The following C3orf70 variants were observed in gnomAD, a reference collection of about 807,000 sequenced individuals.
C3orf70 encodes chromosome 3 open reading frame 70, also known as UPF0524 protein C3orf70.
Under a neutral mutation model 20.7 loss-of-function variants are expected in C3orf70, and 15 were observed. The observed-to-expected ratio is 0.72, with a 90% CI of 0.48 to 1.11. The LOEUF (loss-of-function observed/expected upper bound fraction) is 1.11, where lower values mean the gene tolerates loss of function less well. C3orf70 is among the 50% of genes most tolerant of loss of function. The pLI is 0.00. For missense variants in C3orf70, 332 were observed against 317.6 expected (o/e 1.05, Z -0.34); for synonymous variants, 161 against 125.7 (o/e 1.28, Z -1.88).
chr3:185,099,943 C>T (rs185359956), intron 1 of C3orf70, among the ~76,000 whole-genome samples: 4 of 152,268 alleles, frequency 2.6e-5, no homozygotes, highest in Admixed American at 2.0e-4. Context: ...TTTCAACCAA[C>T]ACAGATTTTT....
chr3:185,106,561 T>G (rs539232395), intron 1 of C3orf70, among the ~76,000 whole-genome samples: 1,559 of 151,246 alleles, frequency 0.01, no homozygotes, highest in African/African-American at 0.035. Flanking sequence ...TCAGTGTCAC[T>G]CTAAGTTTGA....
intron 1 of C3orf70, among the ~76,000 whole-genome samples, chr3:185,150,533 CAT>C (rs928902396): frequency 3.9e-5 from 6 of 152,052 alleles, no homozygotes; most frequent in African/African-American, 7.2e-5. Context: ...TGGCTTGTCA[CAT>C]ATGTTAAAAA....
chr3:185,095,879 G>A (rs1359408563), intron 1 of C3orf70, among the ~76,000 whole-genome samples: 1 of 151,828 alleles, frequency 6.6e-6, no homozygotes, highest in Admixed American at 6.6e-5. Context: ...TGCGACTATA[G>A]GTGCGTGCCA....
At chr3:185,092,188 T>C (rs1269716151) in intron 1 of C3orf70, among the ~76,000 whole-genome samples, 1 of 151,918 alleles carries the variant, frequency 6.6e-6, no homozygotes, top group African/African-American at 2.4e-5. Context: ...GGTGGTTGAA[T>C]GGTTAAACAT....
intron 1 of C3orf70, among the ~76,000 whole-genome samples, chr3:185,138,689 CTT>C (rs1247855997): frequency 6.6e-6 from 1 of 152,132 alleles, no homozygotes; most frequent in African/African-American, 2.4e-5. Context: ...TCTGACAAAA[CTT>C]AATACCCATT....
intron 1 of C3orf70, among the ~76,000 whole-genome samples, chr3:185,119,674 T>C (rs1170331678): frequency 1.3e-5 from 2 of 152,150 alleles, no homozygotes; most frequent in Admixed American, 1.3e-4. Context: ...CTAATCTATT[T>C]TCAGTTTAAT....
intron 1 of C3orf70, among the ~76,000 whole-genome samples, chr3:185,117,454 A>AGAGAG (rs1716203945): frequency 7.7e-5 from 11 of 142,020 alleles, no homozygotes; most frequent in Admixed American, 5.5e-4. Context: ...CACACACAGA[A>AGAGAG]AGAGAGAGAG....
In C3orf70 at chr3:185,098,586, G is replaced by C. The variant is rs145280912; in HGVS notation, c.197-15023C>G. 3.3e-3 allele frequency among the ~76,000 whole-genome samples: 498 copies of C among 152,226 alleles called. 4 individuals carry two copies. Among genetic ancestry groups the C allele is most frequent in the Non-Finnish European group, 4.5e-3 (304 of 68,010 alleles). Reference sequence around the variant, plus strand: ...TTACAAAATGTGATGAAGGCAGAAAGCATCTCCCTTTACAGTTGATATTTT... The same window carrying C: ...TTACAAAATGTGATGAAGGCAGAAACCATCTCCCTTTACAGTTGATATTTT... On this transcript the variant is annotated intron_variant, in intron 1 of 1. Transcript: ENST00000335012.
At chr3:185,100,955 T>A (rs964818788) in intron 1 of C3orf70, among the ~76,000 whole-genome samples, 8 of 152,126 alleles carry the variant, frequency 5.3e-5, no homozygotes, top group African/African-American at 9.7e-5. Context: ...GATAAATTCC[T>A]GGACACATCC....
Position 185,079,306 on chromosome 3 carries a change from T to TAAAAAAAAAAA in C3orf70, c.*3700_*3701insTTTTTTTTTTT, listed in dbSNP as rs1321535800. The TAAAAAAAAAAA allele has an allele frequency of 3.5e-4, 43 of 122,812 alleles. No homozygotes were observed. Among genetic ancestry groups the TAAAAAAAAAAA allele is most frequent in the African/African-American group, 1.3e-3 (36 of 28,550 alleles). 7.6% of individuals were successfully genotyped at this position (122,812 alleles called of 1,614,324 possible). ...AAAAAAAAAAAAAAAAAAAAAAAAG[T>TAAAAAAAAAAA]AAAGCCACCACTCCCAAGATAGAAT... On this transcript the variant is annotated 3_prime_UTR_variant, in exon 2 of 2. Coordinates refer to ENST00000335012, the MANE Select transcript of C3orf70 (RefSeq NM_001025266.3).
intron 1 of C3orf70, among the ~76,000 whole-genome samples, chr3:185,133,227 G>A (rs968053539): frequency 3.3e-5 from 5 of 151,962 alleles, no homozygotes; most frequent in African/African-American, 4.8e-5. Flanking sequence ...CTGGTGGGAG[G>A]GCAAATGGTA....
At chr3:185,135,921 A>G (rs1023598871) in intron 1 of C3orf70, among the ~76,000 whole-genome samples, 11 of 152,292 alleles carry the variant, frequency 7.2e-5, no homozygotes, top group Non-Finnish European at 1.6e-4. Context: ...ATAAAAAACA[A>G]GAAAAAAATA....
At chr3:185,094,074 G>GTTTTTTTTTTTTTTT (rs71162282) in intron 1 of C3orf70, among the ~76,000 whole-genome samples, 1 of 80,644 alleles carries the variant, frequency 1.2e-5, no homozygotes, top group Non-Finnish European at 2.2e-5. Context: ...ATACCCTGGG[G>GTTTTTTTTTTTTTTT]TTTTTTTTTT....
At chr3:185,105,729 G>C (rs1715919816) in intron 1 of C3orf70, among the ~76,000 whole-genome samples, 1 of 152,186 alleles carries the variant, frequency 6.6e-6, no homozygotes, top group Non-Finnish European at 1.5e-5. Context: ...CATCCATCGT[G>C]GGGGCTCGAA....
chr3:185,137,767 C>T lies in C3orf70; in HGVS notation c.196+14861G>A, dbSNP rs1044554291. On this transcript the variant is annotated intron_variant, in intron 1 of 1. Transcript: ENST00000335012. ...AAAGCAGTGCTGAAAGGAATTTTTA[C>T]AGTAACAAATGCATATATTAGAAAG... Among the ~76,000 whole-genome samples the T allele has an allele frequency of 2.0e-5, 3 of 152,142 alleles. No individual in the cohort carries two copies. The East Asian group carries it at 5.8e-4, about 29-fold the overall frequency.
intron 1 of C3orf70, among the ~76,000 whole-genome samples, chr3:185,123,178 C>CA (rs34803531): frequency 0.57 from 52,279 of 91,242 alleles, 14,920 homozygotes; most frequent in Non-Finnish European, 0.64. Context: ...GACTCCATCT[C>CA]AAAAAAAAAA....
intron 1 of C3orf70, among the ~76,000 whole-genome samples, chr3:185,117,879 A>G (rs1346664458): frequency 2.0e-5 from 3 of 152,200 alleles, no homozygotes; most frequent in Non-Finnish European, 1.5e-5. Flanking sequence ...AAGTGAAATC[A>G]GTACAATTTT....
At chr3:185,087,988 C>T (rs1007588514) in intron 1 of C3orf70, among the ~76,000 whole-genome samples, 1 of 151,302 alleles carries the variant, frequency 6.6e-6, no homozygotes, top group Non-Finnish European at 1.5e-5. Flanking sequence ...CTTGGCTCGC[C>T]GCAACCTCCG....
intron 1 of C3orf70, among the ~76,000 whole-genome samples, chr3:185,096,150 T>C (rs1247866235): frequency 1.3e-5 from 2 of 152,216 alleles, no homozygotes; most frequent in African/African-American, 4.8e-5. Flanking sequence ...TTCTGTTTTT[T>C]TCTTTAATAA....
Sources: allele counts gnomAD v4.1 joint callset (sites outside exome capture counted in the v4.1 genomes callset), GRCh38; gene constraint gnomAD v4.1.1; transcripts MANE v1.5; gene names NCBI Gene and HGNC (gene_info 2026-07-23, HGNC 2026-07-21).